The following ERICH1 variants were observed in gnomAD, a reference collection of about 807,000 sequenced individuals.
The protein encoded by ERICH1 is glutamate-rich protein 1.
ERICH1 carries 56 observed loss-of-function variants against 39.6 expected under a neutral mutation model. That is an observed-to-expected ratio of 1.41 (90% CI 1.14 to 1.77). ERICH1 has a LOEUF of 1.77. Among genes scored for constraint, ERICH1 ranks in the 40% most tolerant of loss-of-function variants. The pLI, the probability that ERICH1 is intolerant of heterozygous loss-of-function variation, is 0.00. For missense variants in ERICH1, 826 were observed against 575.4 expected, an observed-to-expected ratio of 1.44 and a Z score of -4.45; for synonymous variants, 313 against 223.6, an observed-to-expected ratio of 1.40 and a Z score of -3.57.
chr8:692,735 A>G (rs2132072194), intron 2 of ERICH1, 123 bp from the exon 3 acceptor site: 3 of 1,170,272 alleles, frequency 2.6e-6, no homozygotes, highest in East Asian at 5.6e-5. Context: ...AAAGAGCTCA[A>G]TAAAACCTAA....
chr8:625,079 G>A (rs953384912), intron 3 of ERICH1, among the ~76,000 whole-genome samples: 3 of 152,068 alleles, frequency 2.0e-5, no homozygotes, highest in Admixed American at 6.6e-5. Context: ...CAAGAACAGC[G>A]AGGTGGATTC....
At chr8:653,570 C>T (rs898008014) in intron 3 of ERICH1, among the ~76,000 whole-genome samples, 1 of 152,212 alleles carries the variant, frequency 6.6e-6, no homozygotes, top group African/African-American at 2.4e-5. Flanking sequence ...TGGAGTCTCT[C>T]TGAATCTGCT....
chr8:712,420 GT>G (rs1563329625), intron 2 of ERICH1, among the ~76,000 whole-genome samples: 1 of 151,554 alleles, frequency 6.6e-6, no homozygotes, highest in Non-Finnish European at 1.5e-5. Context: ...AAATGATACC[GT>G]GTTTTGTTTT....
intron 3 of ERICH1, among the ~76,000 whole-genome samples, chr8:689,231 C>T (rs62484172): frequency 1.4e-3 from 206 of 152,306 alleles, no homozygotes; most frequent in Admixed American, 2.4e-3. Context: ...CAGGCCTCAG[C>T]GTCTCGAGTA....
At chr8:715,107 T>C (rs1346642867) in intron 2 of ERICH1, among the ~76,000 whole-genome samples, 1 of 151,864 alleles carries the variant, frequency 6.6e-6, no homozygotes, top group East Asian at 2.0e-4. Context: ...TGGGATGTGT[T>C]ACATCCAGGT....
chr8:651,668 C>T (rs1292256533), intron 3 of ERICH1, among the ~76,000 whole-genome samples: 6 of 123,810 alleles, frequency 4.8e-5, no homozygotes, highest in Non-Finnish European at 6.6e-5. Context: ...GCGAGGGAGA[C>T]GGGCAGGGTG....
intron 5 of ERICH1, chr8:668,051 C>T (rs1262157709): frequency 5.6e-6 from 1 of 177,716 alleles, no homozygotes; most frequent in African/African-American, 2.4e-5. Context: ...GCCTGAATTT[C>T]TGATTTTCAG....
intron 3 of ERICH1, 104 bp from the exon 4 acceptor site, chr8:674,151 A>G: frequency 7.5e-7 from 1 of 1,336,474 alleles, no homozygotes; most frequent in East Asian, 2.4e-5. Context: ...TTTAGTAGAA[A>G]AAGAGTTTAC....
At chr8:679,135 C>T (rs1805522711) in intron 3 of ERICH1, among the ~76,000 whole-genome samples, 1 of 150,148 alleles carries the variant, frequency 6.7e-6, no homozygotes, top group Non-Finnish European at 1.5e-5. Flanking sequence ...ACAGCTCTCA[C>T]CCGTCAAAGC....
intron 3 of ERICH1, among the ~76,000 whole-genome samples, chr8:642,736 G>T (rs770283572): frequency 6.6e-6 from 1 of 152,034 alleles, no homozygotes; most frequent in African/African-American, 2.4e-5. Context: ...CTTGTGAGGC[G>T]CTGGCCCTCT....
chr8:656,925 T>A (rs1211994051), intron 3 of ERICH1: 11 of 820,090 alleles, frequency 1.3e-5, no homozygotes, highest in African/African-American at 1.8e-5. Flanking sequence ...ACACTCCTTA[T>A]ATGTTAACCT....
chr8:661,725 T>G (rs1266404077), downstream of ERICH1, among the ~76,000 whole-genome samples: 1 of 152,256 alleles, frequency 6.6e-6, no homozygotes, highest in Non-Finnish European at 1.5e-5. Context: ...TTTTCCTTTT[T>G]GGAATCAGAA....
At position 644,692 on chromosome 8, in the gene ERICH1, G is replaced by C. The variant is rs1214090582; in HGVS notation, c.976+23906C>G. 2.9e-5 allele frequency among the ~76,000 whole-genome samples: 2 copies of C among 68,448 alleles called. 1 individual carries two copies. Among genetic ancestry groups the C allele is most frequent in the Non-Finnish European group, 9.1e-5 (2 of 21,926 alleles). The allele number at this position is 68,448 out of a possible 152,430, so 44.9% of individuals were successfully genotyped here. Reference sequence around the variant, plus strand: ...GCTGCGTCTCTCCCTCCCTGCCCCAGTGTTGGTCTTAGGAGGAAAACATCC... The same window carrying C: ...GCTGCGTCTCTCCCTCCCTGCCCCACTGTTGGTCTTAGGAGGAAAACATCC... On this transcript the variant is annotated intron_variant, in intron 3 of 3. Coordinates refer to the ERICH1 transcript ENST00000522706.
chr8:657,376 C>T lies in ERICH1; in HGVS notation c.976+11222G>A, dbSNP rs181702836. On this transcript the variant is annotated intron_variant, in intron 3 of 3. Transcript: ENST00000522706. Reference sequence around the variant, plus strand: ...ATTGCAGGACTGGAGTGTCTCTGGTCGGAAGGGAGGTTATCTCGGGGTTGG... The same window carrying T: ...ATTGCAGGACTGGAGTGTCTCTGGTTGGAAGGGAGGTTATCTCGGGGTTGG... 1.4e-4 allele frequency among the ~76,000 whole-genome samples: 21 copies of T among 149,192 alleles called. No homozygotes were observed. The East Asian group carries it at 3.3e-3, about 24-fold the overall frequency.
intron 4 of ERICH1, among the ~76,000 whole-genome samples, chr8:671,154 T>C (rs1199147976): frequency 7.1e-6 from 1 of 139,878 alleles, no homozygotes; most frequent in Non-Finnish European, 1.5e-5. Flanking sequence ...GGTTCTAATG[T>C]CTGTGCTCAC....
chr8:614,915 G>A (rs777294672), exon 4 of ERICH1: 3 of 265,544 alleles, frequency 1.1e-5, no homozygotes, highest in Non-Finnish European at 2.1e-5. Flanking sequence ...TGACACCAAG[G>A]AGCTGCTGTC....
At chr8:726,579 G>A (rs1224870634) in intron 1 of ERICH1, among the ~76,000 whole-genome samples, 5 of 144,134 alleles carry the variant, frequency 3.5e-5, no homozygotes, top group Non-Finnish European at 4.5e-5. Context: ...AAGACACACA[G>A]GCGCACACAC....
At chr8:730,048 C>A (rs1207266913) in intron 1 of ERICH1, among the ~76,000 whole-genome samples, 1 of 152,158 alleles carries the variant, frequency 6.6e-6, no homozygotes, top group Non-Finnish European at 1.5e-5. Flanking sequence ...AACCTCGACA[C>A]TGAATTCACA....
At chr8:625,836 G>C (rs1049157996) in intron 3 of ERICH1, 1 of 152,174 alleles carries the variant, frequency 6.6e-6, no homozygotes, top group Non-Finnish European at 1.5e-5. Flanking sequence ...CATGTTCTTT[G>C]TTACGCAACA....
Sources: gnomAD v4.1 joint callset for allele counts (sites outside exome capture counted in the v4.1 genomes callset) on GRCh38, gnomAD v4.1.1 for gene constraint, MANE v1.5 for transcripts, NCBI Gene and HGNC (gene_info 2026-07-23, HGNC 2026-07-21) for gene names.